The following APOB variants were observed in gnomAD, a reference collection of about 807,000 sequenced individuals.
The protein encoded by APOB is apolipoprotein B.
A neutral mutation model predicts 314.1 loss-of-function variants in APOB; 153 were observed. The ratio of observed to expected loss-of-function variants is 0.49; its 90% CI spans 0.43 to 0.56. APOB has a LOEUF of 0.56. Among genes scored for constraint, APOB ranks in the 20% least tolerant of loss-of-function variants. The probability of loss-of-function intolerance (pLI) is 0.00; values close to 1 mark genes in which losing one functional copy is unlikely to be tolerated. For synonymous variants in APOB, 2,087 were observed against 2,036.4 expected, an observed-to-expected ratio of 1.02 and a Z score of -0.67; for missense variants, 5,430 against 5,350.7, an observed-to-expected ratio of 1.01 and a Z score of -0.46.
In APOB at chr2:21,011,685, T is replaced by C. The variant is rs186346145; in HGVS notation, c.5183A>G (p.Asn1728Ser). 80 of 1,614,190 alleles carry C rather than the reference T, an allele frequency of 5.0e-5. No homozygotes were observed. The Admixed American group carries it at 1.3e-3, about 26-fold the overall frequency. ...ILGVDSKNIF[N>S]FKVSQEGLKL... ...AAGTCCTTCTTGACTGACCTTGAAG[T>C]TGAAAATGTTTTTGCTGTCGACACC... The change falls in exon 26 of 29, where the codon AAC (asparagine) becomes AGC (serine). Residue 1728 changes from asparagine (N) to serine (S), a missense_variant. Physicochemically the swap from Asn to Ser is conservative, Grantham distance 46. Around this residue, in one of 3 missense-constraint regions of APOB, gnomAD observed 2,085 missense variants for 2,079.7 expected, o/e 1.00. Transcript: ENST00000233242.
In APOB at chr2:21,002,876, G is replaced by C; in HGVS notation, c.12546C>G (p.Phe4182Leu). 6.2e-7 allele frequency: 1 copy of C among 1,613,594 alleles called. No individual in the cohort carries two copies. The highest frequency in any genetic ancestry group is 8.5e-7 in the Non-Finnish European group (1 of 1,179,856). ...CAATCAGATGCTTGACTTTCATATGGAATTCTTGAGTAACTCGTACCAAGC... is the reference window on the plus strand; with the variant it reads ...CAATCAGATGCTTGACTTTCATATGCAATTCTTGAGTAACTCGTACCAAGC... ...FDGLVRVTQE[F>L]HMKVKHLIDS... The change falls in exon 29 of 29, where the codon TTC becomes TTG. Residue 4182 changes from phenylalanine to leucine, a missense_variant. Physicochemically the swap from Phe to Leu is conservative, Grantham distance 22. Coordinates refer to ENST00000233242, the MANE Select transcript of APOB (RefSeq NM_000384.3).
Position 21,009,907 on chromosome 2 carries a change from C to G in APOB, c.6961G>C (p.Val2321Leu), listed in dbSNP as rs1085307523. 8 of 1,613,972 alleles carry G rather than the reference C, an allele frequency of 5.0e-6. No individual in the cohort carries two copies. The highest frequency in any genetic ancestry group is 6.8e-6 in the Non-Finnish European group (8 of 1,179,926). ...NDILEHVKHF[V>L]INLIGDFEVA... ...TCAAAATCCCCAATAAGATTTATAACAAAGTGTTTGACATGCTCAAGAATG... is the reference window on the plus strand; with the variant it reads ...TCAAAATCCCCAATAAGATTTATAAGAAAGTGTTTGACATGCTCAAGAATG... Residue 2321 changes from valine (V) to leucine (L), a missense_variant, in exon 26 of 29, where the codon GTT becomes CTT. Val to Leu is a conservative substitution (Grantham distance 32). Transcript: ENST00000233242.
chr2:21,005,597 C>T lies in APOB; in HGVS notation c.11271G>A (p.Gln3757=), dbSNP rs756222950. 11 of 1,613,882 alleles carry T rather than the reference C, an allele frequency of 6.8e-6. No homozygotes were observed. The highest frequency in any genetic ancestry group is 8.5e-7 in the Non-Finnish European group (1 of 1,179,978). ...PTFHVPFTDL[Q]VPSCKLDFRE... ...TGAAGTCAAGTTTGCACGATGGAAC[C>T]TGAAGATCTGTAAATGGGACATGGA... The change falls in exon 26 of 29, where the codon CAG becomes CAA. Residue 3757 remains glutamine, a synonymous_variant. Transcript: ENST00000233242.
intron 24 of APOB, 63 bp from the exon 25 acceptor site, chr2:21,013,596 C>T (rs1663391373): frequency 6.2e-7 from 1 of 1,608,912 alleles, no homozygotes; most frequent in Non-Finnish European, 8.5e-7. Flanking sequence ...AGTTCTCTGC[C>T]TCTGACCTTC....
chr2:21,035,038 G>A, intron 7 of APOB, 137 bp from the exon 8 acceptor site: 1 of 746,638 alleles, frequency 1.3e-6, no homozygotes, highest in Non-Finnish European at 2.5e-6. Context: ...GCCATTGTTG[G>A]CCCTGAATGA....
At chr2:21,013,555 A>T in intron 24 of APOB, 22 bp from the exon 25 acceptor site, 1 of 1,613,774 alleles carries the variant, frequency 6.2e-7, no homozygotes, top group Non-Finnish European at 8.5e-7. Context: ...AACAAAGATA[A>T]CATCCCCACA....
Position 21,013,373 on chromosome 2 carries a change from A to C in APOB, c.4003T>G (p.Phe1335Val). The change falls in exon 25 of 29, where the codon TTC (phenylalanine) becomes GTC (valine). Residue 1335 changes from phenylalanine to valine, a missense_variant. Around this residue, in one of 3 missense-constraint regions of APOB, gnomAD observed 2,085 missense variants for 2,079.7 expected, o/e 1.00. Transcript: ENST00000233242. ...SVGFHLPSRE[F>V]QVPTFTIPKL... is the part of the protein sequence containing the mutation. Reference sequence around the variant, plus strand: ...GGAATGGTAAAAGTAGGGACTTGGAACTCTCGAGATGGCAGATGGAATCCC... The same window carrying C: ...GGAATGGTAAAAGTAGGGACTTGGACCTCTCGAGATGGCAGATGGAATCCC... 6.2e-7 allele frequency: 1 copy of C among 1,614,072 alleles called. No individual in the cohort carries two copies. The highest frequency in any genetic ancestry group is 8.5e-7 in the Non-Finnish European group (1 of 1,180,012).
intron 20 of APOB, among the ~76,000 whole-genome samples, chr2:21,016,988 AAT>A (rs1491068119): frequency 1.8e-5 from 2 of 112,364 alleles, no homozygotes; most frequent in African/African-American, 7.9e-5. Context: ...CATCTCAAAA[AAT>A]AAATAAATAA....
rs1663238252 is a variant in APOB, at chr2:21,009,242, A to T, written c.7626T>A (p.Val2542=). The change falls in exon 26 of 29, where the codon GTT becomes GTA. Residue 2542 remains valine (V), a synonymous_variant. Coordinates refer to ENST00000233242, the MANE Select transcript of APOB (RefSeq NM_000384.3). ...AAATGTAGGTGACAAGTGTGCTATA[A>T]ACCTGGCCTACCAGAGACAGGTATC... The part of the protein sequence containing the change: ...LQRYLSLVGQ[V]YSTLVTYISD... The T allele has an allele frequency of 6.2e-7, 1 of 1,614,088 alleles. No individual in the cohort carries two copies. Among genetic ancestry groups the T allele is most frequent in the South Asian group, 1.1e-5 (1 of 91,078 alleles).
Position 21,022,869 on chromosome 2 carries a change from A to T in APOB, c.2778T>A (p.Ile926=). ...GCTTGACTGGTCTCTTTGGGGAAGG[A>T]ATGATAAACTTCAGCTTCCCAGCTT... ...ALKAGKLKFI[I]PSPKRPVKLL... Residue 926 remains isoleucine (I), a synonymous_variant, in exon 18 of 29, where the codon ATT becomes ATA. Transcript: ENST00000233242. 1 of 1,614,158 alleles carries T rather than the reference A, an allele frequency of 6.2e-7. No homozygotes were observed. The highest frequency in any genetic ancestry group is 8.5e-7 in the Non-Finnish European group (1 of 1,180,030).
chr2:21,018,850 C>A, intron 20 of APOB, 142 bp downstream of exon 20: 1 of 1,206,020 alleles, frequency 8.3e-7, no homozygotes, highest in South Asian at 1.3e-5. Context: ...CTCAGTTAAC[C>A]CAGGTCTTAG....
At position 21,015,556 on chromosome 2, in the gene APOB, G is replaced by A. The variant is rs981851187; in HGVS notation, c.3333-11C>T. ...TCCTTTGTGTCACAACTATGGTAAA[G>A]AAAATCAGTTGGCACCAATGATTTT... On this transcript the variant is annotated splice_polypyrimidine_tract_variant and intron_variant, in intron 21 of 28. Transcript: ENST00000233242. 1.2e-6 allele frequency: 2 copies of A among 1,610,732 alleles called. No homozygotes were observed. The highest frequency in any genetic ancestry group is 2.7e-5 in the African/African-American group (2 of 75,008).
intron 8 of APOB, among the ~76,000 whole-genome samples, chr2:21,034,101 C>G (rs1279830001): frequency 1.3e-5 from 2 of 152,140 alleles, no homozygotes; most frequent in African/African-American, 4.8e-5. Flanking sequence ...ACTTTTGTAT[C>G]CTCTCCACCA....
chr2:21,011,245 G>A lies in APOB; in HGVS notation c.5623C>T (p.Leu1875=). The change falls in exon 26 of 29, where the codon CTG becomes TTG. Residue 1875 remains leucine (L), a synonymous_variant. Coordinates refer to ENST00000233242, the MANE Select transcript of APOB (RefSeq NM_000384.3). ...SHRLNTDIAG[L]ASAIDMSTNY... ...GTGCTCATGTCAATGGCTGAAGCCA[G>A]CCCAGCGATGTCTGTGTTGAGCCGA... 2 of 1,614,228 alleles carry A rather than the reference G, an allele frequency of 1.2e-6. No homozygotes were observed. The highest frequency in any genetic ancestry group is 1.7e-6 in the Non-Finnish European group (2 of 1,180,038).
intron 14 of APOB, 96 bp from the exon 15 acceptor site, chr2:21,027,060 G>T: frequency 9.0e-7 from 1 of 1,111,652 alleles, no homozygotes; most frequent in Non-Finnish European, 1.4e-6. Context: ...ATCTAAACAA[G>T]TATTTGAATA....
At chr2:21,032,800 G>A (rs1663913317) in intron 9 of APOB, among the ~76,000 whole-genome samples, 1 of 152,156 alleles carries the variant, frequency 6.6e-6, no homozygotes, top group Admixed American at 6.5e-5. Context: ...GGGGACTGTG[G>A]ATCTGTAGCA....
At position 21,002,195 on chromosome 2, in the gene APOB, A is replaced by G. The variant is rs757973138; in HGVS notation, c.13227T>C (p.Ser4409=). The change falls in exon 29 of 29, where the codon AGT becomes AGC. Residue 4409 remains serine, a synonymous_variant. Transcript: ENST00000233242. ...GAGCAACTAACAGGTTCTTGATCAG[A>G]CTGACTATCTTTTCTTCAAGTTCAT... is the stretch of plus-strand genomic sequence containing the variant. ...KYYELEEKIV[S]LIKNLLVALK... 1 of 1,613,876 alleles carries G rather than the reference A, an allele frequency of 6.2e-7. No individual in the cohort carries two copies. The highest frequency in any genetic ancestry group is 8.5e-7 in the Non-Finnish European group (1 of 1,179,974).
Position 21,013,486 on chromosome 2 carries a change from T to C in APOB, c.3890A>G (p.Glu1297Gly), listed in dbSNP as rs1207988594. The C allele has an allele frequency of 6.2e-7, 1 of 1,614,076 alleles. No individual in the cohort carries two copies. Among genetic ancestry groups the C allele is most frequent in the Non-Finnish European group, 8.5e-7 (1 of 1,180,024 alleles). The change falls in exon 25 of 29, where the codon GAG becomes GGG. Residue 1297 changes from glutamate (E) to glycine (G), a missense_variant. Glu to Gly is a moderately conservative substitution (Grantham distance 98). Transcript: ENST00000233242. ...YTLNKNSLKI[E>G]IPLPFGGKSS... Reference sequence around the variant, plus strand: ...TTTGCCACCAAAAGGCAAAGGAATCTCAATTTTCAAACTGTTCTTGTTCAA... The same window carrying C: ...TTTGCCACCAAAAGGCAAAGGAATCCCAATTTTCAAACTGTTCTTGTTCAA...
Position 21,015,365 on chromosome 2 carries a change from C to T in APOB, c.3508+5G>A. 6.2e-7 allele frequency: 1 copy of T among 1,614,178 alleles called. No individual in the cohort carries two copies. The highest frequency in any genetic ancestry group is 8.5e-7 in the Non-Finnish European group (1 of 1,180,014). ...AAGTGCTCACACAGGGGAAGAGACA[C>T]ATACCATAATGCCATGCCACCCTCT... On this transcript the variant is annotated splice_donor_5th_base_variant and intron_variant, in intron 22 of 28. Coordinates refer to ENST00000233242, the MANE Select transcript of APOB (RefSeq NM_000384.3).
Sources: allele counts gnomAD v4.1 joint callset (sites outside exome capture counted in the v4.1 genomes callset), GRCh38; gene constraint gnomAD v4.1.1; regional missense constraint gnomAD v4.1.1; transcripts MANE v1.5; gene names NCBI Gene and HGNC (gene_info 2026-07-23, HGNC 2026-07-21).